The following CD300LF variants were observed in gnomAD, a reference collection of about 807,000 sequenced individuals.
CD300LF encodes CD300 molecule like family member f.
Under a neutral mutation model 32.2 loss-of-function variants are expected in CD300LF, and 27 were observed. That is an observed-to-expected ratio of 0.84 (90% CI 0.62 to 1.15). The LOEUF is 1.15. Ranked by LOEUF, CD300LF falls within the 50% of genes most tolerant of loss-of-function variation. CD300LF has a pLI of 0.00. For synonymous variants in CD300LF, 139 were observed against 143.2 expected, an observed-to-expected ratio of 0.97 and a Z score of 0.21; for missense variants, 348 against 356.8, an observed-to-expected ratio of 0.98 and a Z score of 0.20.
At chr17:74,710,596 C>T (rs766842582) in intron 1 of CD300LF, among the ~76,000 whole-genome samples, 11 of 151,750 alleles carry the variant, frequency 7.2e-5, no homozygotes, top group Non-Finnish European at 1.6e-4. Flanking sequence ...CGGTGGCTCA[C>T]GCCTGTAATC....
At chr17:74,696,347 T>A (rs2032475685) in intron 4 of CD300LF, 130 bp from the exon 5 acceptor site, 2 of 917,160 alleles carry the variant, frequency 2.2e-6, no homozygotes, top group Non-Finnish European at 3.2e-6. Flanking sequence ...AGGGACCTGG[T>A]TCTAATTCTG....
chr17:74,694,781 A>G lies in CD300LF; in HGVS notation c.*315T>C, dbSNP rs185425980. On this transcript the variant is annotated 3_prime_UTR_variant, in exon 7 of 7. Transcript: ENST00000326165. ...ATAAATAAAGGTTCATTGTATTACG[A>G]TAATGGTACTTCATGATAATAATGA... 175 of 248,246 alleles carry G rather than the reference A, an allele frequency of 7.0e-4. 1 individual carries two copies. The East Asian group carries it at 0.011, about 16-fold the overall frequency. The allele number at this position is 248,246 out of a possible 1,614,324, so 15.4% of individuals were successfully genotyped here. A position where few individuals can be genotyped will look rare whatever the true frequency, so the allele number is the denominator to read the frequency against.
At position 74,704,503 on chromosome 17, in the gene CD300LF, G is replaced by A. The variant is rs1345264166; in HGVS notation, c.357C>T (p.Val119=). The change falls in exon 2 of 7, where the codon GTC becomes GTT. Residue 119 remains valine, a synonymous_variant. Coordinates refer to ENST00000326165, the MANE Select transcript of CD300LF (RefSeq NM_139018.5). ...GIEKTGNDLG[V]TVQVTIDPAP... ...CTGGGTCAATGGTCACTTGAACTGT[G>A]ACCCCAAGGTCATTTCCAGTTTTCT... The A allele has an allele frequency of 5.0e-6, 8 of 1,613,468 alleles. No homozygotes were observed. Among genetic ancestry groups the A allele is most frequent in the Non-Finnish European group, 6.8e-6 (8 of 1,179,692 alleles).
chr17:74,694,970 T>A lies in CD300LF; in HGVS notation c.*126A>T. ...AAGCCCAACCCAGAGCTAGGGGCAA[T>A]GCTGGCTGATCAGGCAGAGGCACCA... On this transcript the variant is annotated 3_prime_UTR_variant, in exon 7 of 7. Coordinates refer to ENST00000326165, the MANE Select transcript of CD300LF (RefSeq NM_139018.5). 9.2e-7 allele frequency: 1 copy of A among 1,090,676 alleles called. No individual in the cohort carries two copies. The highest frequency in any genetic ancestry group is 2.5e-5 in the East Asian group (1 of 40,620). 67.6% of individuals were successfully genotyped at this position (1,090,676 alleles called of 1,614,324 possible).
In CD300LF at chr17:74,700,168, TAAAC is replaced by T. The variant is rs1358953735; in HGVS notation, c.447-1691_447-1688del. Reference sequence around the variant, plus strand: ...ATAAATAAATAAATAAATAAATAAATAAACAAACAAACAAACAATCAAAATAAAA... The same window carrying T: ...ATAAATAAATAAATAAATAAATAAATAAACAAACAAACAATCAAAATAAAA... On this transcript the variant is annotated intron_variant, in intron 3 of 6. Transcript: ENST00000326165. Among the ~76,000 whole-genome samples, 758 of 77,010 alleles carry T rather than the reference TAAAC, an allele frequency of 9.8e-3. 9 individuals are homozygous for T. The highest frequency in any genetic ancestry group is 0.055 in the East Asian group (111 of 2,022). 50.5% of individuals were successfully genotyped at this position (77,010 alleles called of 152,430 possible).
intron 1 of CD300LF, among the ~76,000 whole-genome samples, chr17:74,711,906 C>CTT (rs71361629): frequency 8.1e-5 from 10 of 123,666 alleles, no homozygotes; most frequent in East Asian, 4.6e-4. Flanking sequence ...TTTCTTTTTT[C>CTT]TTTTTTTTTT....
At chr17:74,698,864 A>G (rs1340044748) in intron 3 of CD300LF, among the ~76,000 whole-genome samples, 5 of 152,206 alleles carry the variant, frequency 3.3e-5, no homozygotes, top group African/African-American at 1.2e-4. Flanking sequence ...TGAAGCTAAA[A>G]TAAAAGTTTT....
chr17:74,702,746 A>G (rs2033169248), intron 3 of CD300LF, among the ~76,000 whole-genome samples: 1 of 152,222 alleles, frequency 6.6e-6, no homozygotes, highest in African/African-American at 2.4e-5. Flanking sequence ...CTGTGTCCCC[A>G]GAGCTCAGCA....
intron 1 of CD300LF, among the ~76,000 whole-genome samples, chr17:74,706,123 C>G (rs962711966): frequency 6.6e-6 from 1 of 151,992 alleles, no homozygotes; most frequent in African/African-American, 2.4e-5. Context: ...GGGAAGGGAG[C>G]AAGCACTGAA....
At chr17:74,701,270 T>C (rs2033028067) in intron 3 of CD300LF, among the ~76,000 whole-genome samples, 4 of 152,238 alleles carry the variant, frequency 2.6e-5, no homozygotes, top group Admixed American at 2.0e-4. Flanking sequence ...TAATTAGCTC[T>C]AGATTGTAAG....
At position 74,694,979 on chromosome 17, in the gene CD300LF, A is replaced by T; in HGVS notation, c.*117T>A. On this transcript the variant is annotated 3_prime_UTR_variant, in exon 7 of 7. Coordinates refer to ENST00000326165, the MANE Select transcript of CD300LF (RefSeq NM_139018.5). ...CCAGAGCTAGGGGCAATGCTGGCTG[A>T]TCAGGCAGAGGCACCAGTCCCCGGG... 1 of 1,168,250 alleles carries T rather than the reference A, an allele frequency of 8.6e-7. No individual in the cohort carries two copies. Among genetic ancestry groups the T allele is most frequent in the Non-Finnish European group, 1.2e-6 (1 of 828,264 alleles). The allele number at this position is 1,168,250 out of a possible 1,614,324, so 72.4% of individuals were successfully genotyped here.
intron 3 of CD300LF, among the ~76,000 whole-genome samples, chr17:74,699,339 CCT>C (rs1305743257): frequency 6.6e-6 from 1 of 152,170 alleles, no homozygotes; most frequent in Non-Finnish European, 1.5e-5. Context: ...CTACACCTGC[CCT>C]CTCTACTGGG....
At chr17:74,696,566 GTC>G (rs755462321) in intron 4 of CD300LF, among the ~76,000 whole-genome samples, 6 of 152,208 alleles carry the variant, frequency 3.9e-5, no homozygotes, top group Admixed American at 1.3e-4. Flanking sequence ...ATTCCACCAT[GTC>G]TCTCTACCTG....
intron 3 of CD300LF, among the ~76,000 whole-genome samples, chr17:74,702,418 A>AT (rs1447042430): frequency 1.3e-5 from 2 of 152,226 alleles, no homozygotes; most frequent in African/African-American, 4.8e-5. Flanking sequence ...GTATCTGCCC[A>AT]TTCTTCCACA....
intron 6 of CD300LF, 140 bp downstream of exon 6, chr17:74,695,585 C>T: frequency 8.0e-7 from 1 of 1,252,004 alleles, no homozygotes; most frequent in African/African-American, 1.5e-5. Flanking sequence ...TAGGCGAGTC[C>T]TGCAGTGACT....
In CD300LF at chr17:74,696,184, G is replaced by A. The variant is rs753099765; in HGVS notation, c.582+11C>T. 27 of 1,602,324 alleles carry A rather than the reference G, an allele frequency of 1.7e-5. No individual in the cohort carries two copies. The Admixed American group carries it at 3.0e-4, about 18-fold the overall frequency. ...CTGGTCTCTCTGGTCCGACCTTGGG[G>A]GCTATCTTACCTGCTCTGGGGACAT... On this transcript the variant is annotated intron_variant, in intron 5 of 6. Coordinates refer to ENST00000326165, the MANE Select transcript of CD300LF (RefSeq NM_139018.5).
At chr17:74,695,965 C>T (rs1288491230) in intron 5 of CD300LF, 106 bp from the exon 6 acceptor site, 11 of 1,387,856 alleles carry the variant, frequency 7.9e-6, no homozygotes, top group Admixed American at 2.1e-5. Context: ...CCCAGGTGCC[C>T]CTCTCCCATT....
At chr17:74,700,598 C>T (rs1447566090) in intron 3 of CD300LF, among the ~76,000 whole-genome samples, 1 of 151,968 alleles carries the variant, frequency 6.6e-6, no homozygotes, top group African/African-American at 2.4e-5. Context: ...AAATAACAGC[C>T]GGGTGTGGTG....
intron 1 of CD300LF, among the ~76,000 whole-genome samples, chr17:74,705,018 A>G (rs936590173): frequency 7.9e-5 from 12 of 152,332 alleles, no homozygotes; most frequent in Non-Finnish European, 1.3e-4. Context: ...AGAGCACAAC[A>G]ACGGATCCCC....
Sources: gnomAD v4.1 joint callset for allele counts (sites outside exome capture counted in the v4.1 genomes callset) on GRCh38, gnomAD v4.1.1 for gene constraint, MANE v1.5 for transcripts, NCBI Gene and HGNC (gene_info 2026-07-23, HGNC 2026-07-21) for gene names.